The following ABAT variants were observed in gnomAD, a reference collection of about 807,000 sequenced individuals.
ABAT encodes 4-aminobutyrate aminotransferase, mitochondrial.
In ABAT, 45 loss-of-function variants were observed where a neutral mutation model predicts 64.6. That is an observed-to-expected ratio of 0.70 (90% confidence interval 0.55 to 0.89). The LOEUF is 0.89. Ranked by LOEUF, ABAT falls within the 40% of genes least tolerant of loss-of-function variation. The pLI is 0.00. For synonymous variants in ABAT, 297 were observed against 250.5 expected, an observed-to-expected ratio of 1.19 and a Z score of -1.75; for missense variants, 633 against 658.4, an observed-to-expected ratio of 0.96 and a Z score of 0.42.
At chr16:8,688,031 G>A (rs1187631913) in intron 1 of ABAT, among the ~76,000 whole-genome samples, 1 of 151,884 alleles carries the variant, frequency 6.6e-6, no homozygotes, top group Non-Finnish European at 1.5e-5. Context: ...CCCAGTAGCT[G>A]GAACTATAGG....
chr16:8,698,376 C>T (rs539154499), intron 1 of ABAT, among the ~76,000 whole-genome samples: 1 of 152,146 alleles, frequency 6.6e-6, no homozygotes, highest in South Asian at 2.1e-4. Context: ...TTTTGTCCCC[C>T]AGGCTAGAGT....
chr16:8,750,821 C>T (rs1191283713), intron 5 of ABAT, among the ~76,000 whole-genome samples: 1 of 152,138 alleles, frequency 6.6e-6, no homozygotes, highest in Non-Finnish European at 1.5e-5. Flanking sequence ...GGTTTGGTAC[C>T]TTGCGTAGGA....
chr16:8,745,955 A>G, intron 2 of ABAT, 46 bp from the exon 3 acceptor site: 1 of 1,561,254 alleles, frequency 6.4e-7, no homozygotes, highest in Non-Finnish European at 8.8e-7. Context: ...AATCCTCATG[A>G]TCTCTGCTGT....
At chr16:8,704,010 C>T (rs1191565265) in intron 1 of ABAT, among the ~76,000 whole-genome samples, 1 of 152,228 alleles carries the variant, frequency 6.6e-6, no homozygotes, top group Non-Finnish European at 1.5e-5. Context: ...CATCCTCTTT[C>T]CTGGCCTTCC....
intron 9 of ABAT, among the ~76,000 whole-genome samples, chr16:8,767,318 C>A (rs2059973891): frequency 6.6e-6 from 1 of 152,226 alleles, no homozygotes; most frequent in African/African-American, 2.4e-5. Context: ...AGAGGGGCTC[C>A]CCTCACCCGC....
chr16:8,777,368 C>T (rs1027664776), intron 14 of ABAT, among the ~76,000 whole-genome samples: 1 of 152,182 alleles, frequency 6.6e-6, no homozygotes, highest in Admixed American at 6.5e-5. Context: ...GGATTACTCT[C>T]TACCCTCAAG....
intron 1 of ABAT, among the ~76,000 whole-genome samples, chr16:8,685,881 G>A (rs2057444393): frequency 6.6e-6 from 1 of 152,144 alleles, no homozygotes; most frequent in Non-Finnish European, 1.5e-5. Context: ...AGAGATTAAA[G>A]CAAGGCAGTG....
chr16:8,703,044 C>G lies in ABAT; in HGVS notation c.-42+28333C>G, dbSNP rs552751425. Among the ~76,000 whole-genome samples the G allele has an allele frequency of 4.0e-5, 6 of 151,794 alleles. 1 individual carries two copies. The East Asian group carries it at 1.2e-3, about 29-fold the overall frequency. On this transcript the variant is annotated intron_variant, in intron 1 of 15. Transcript: ENST00000268251. ...GGCACCGAGATCCAGGTAGAGTTGA[C>G]GAACACCTCTCTACTGTCAATGTAT... is the stretch of plus-strand genomic sequence containing the variant.
At chr16:8,710,428 G>C (rs1441529109) in intron 1 of ABAT, among the ~76,000 whole-genome samples, 2 of 152,016 alleles carry the variant, frequency 1.3e-5, no homozygotes, top group Non-Finnish European at 2.9e-5. Flanking sequence ...ACCTTGGGAG[G>C]TATGATCAAG....
rs2059008121 is a variant in ABAT, at chr16:8,737,963, AGGAAGGAAGGAAGGAAGGAAGGAAGGAG to A, written c.70+2156_70+2183del. 5.6e-5 allele frequency among the ~76,000 whole-genome samples: 3 copies of A among 53,966 alleles called. No homozygotes were observed. The South Asian group carries it at 2.3e-3, about 41-fold the overall frequency. 35.4% of individuals were successfully genotyped at this position (53,966 alleles called of 152,430 possible). A position where few individuals can be genotyped will look rare whatever the true frequency, so the allele number is the denominator to read the frequency against. On this transcript the variant is annotated intron_variant, in intron 2 of 15. Transcript: ENST00000268251. ...AGGAAAGGAAGAAAGGAAGGAAGGA[AGGAAGGAAGGAAGGAAGGAAGGAAGGAG>A]GAAAGAAAGAAAGAAAGAAAGAAAG...
intron 1 of ABAT, among the ~76,000 whole-genome samples, chr16:8,694,496 T>G (rs2057658099): frequency 1.3e-5 from 2 of 151,822 alleles, no homozygotes; most frequent in African/African-American, 4.8e-5. Flanking sequence ...GCTTAAGCAA[T>G]TCTCCCGAGC....
intron 2 of ABAT, among the ~76,000 whole-genome samples, chr16:8,744,798 G>A (rs1316326329): frequency 6.6e-6 from 1 of 151,914 alleles, no homozygotes; most frequent in African/African-American, 2.4e-5. Context: ...AACCTGGGAA[G>A]CAGATGTTGC....
chr16:8,716,079 G>C (rs148300440), intron 1 of ABAT, among the ~76,000 whole-genome samples: 24 of 152,234 alleles, frequency 1.6e-4, no homozygotes, highest in African/African-American at 5.5e-4. Flanking sequence ...TTAGCTTTGC[G>C]CGTGGATTAT....
chr16:8,697,999 C>G (rs2057741255), intron 1 of ABAT, among the ~76,000 whole-genome samples: 1 of 152,202 alleles, frequency 6.6e-6, no homozygotes, highest in Admixed American at 6.5e-5. Context: ...GTAGTAATAG[C>G]TGACATGATC....
At chr16:8,775,146 C>A (rs2060229008) in intron 13 of ABAT, 89 bp downstream of exon 13, 2 of 1,570,092 alleles carry the variant, frequency 1.3e-6, no homozygotes, top group Non-Finnish European at 8.7e-7. Context: ...CATCGAGGAG[C>A]TGGGTGGGCA....
intron 1 of ABAT, among the ~76,000 whole-genome samples, chr16:8,719,907 G>T (rs115546229): frequency 3.3e-5 from 5 of 152,206 alleles, no homozygotes; most frequent in Non-Finnish European, 7.3e-5. Flanking sequence ...CGGTTCTCAG[G>T]TTTAAGCAAT....
intron 2 of ABAT, chr16:8,736,149 G>A (rs757683054): frequency 1.7e-4 from 57 of 336,874 alleles, no homozygotes; most frequent in Admixed American, 3.3e-4. Flanking sequence ...ACATCAGATC[G>A]TGTGAGACTT....
chr16:8,772,502 G>C (rs1346034078), intron 11 of ABAT, among the ~76,000 whole-genome samples: 2 of 152,150 alleles, frequency 1.3e-5, no homozygotes, highest in Non-Finnish European at 2.9e-5. Context: ...TTCTGTCAGT[G>C]TGCCCATACA....
intron 1 of ABAT, among the ~76,000 whole-genome samples, chr16:8,685,648 C>T: frequency 6.6e-6 from 1 of 152,130 alleles, no homozygotes; most frequent in East Asian, 1.9e-4. Flanking sequence ...TGCACTCCAG[C>T]CTGGGCAACA....
Sources: gnomAD v4.1 joint callset for allele counts (sites outside exome capture counted in the v4.1 genomes callset) on GRCh38, gnomAD v4.1.1 for gene constraint, MANE v1.5 for transcripts, NCBI Gene and HGNC (gene_info 2026-07-23, HGNC 2026-07-21) for gene names.